The following SH2B2 variants were observed in gnomAD, a reference collection of about 807,000 sequenced individuals.
The protein encoded by SH2B2 is SH2B adaptor protein 2, also known as SH2B adapter protein 2.
SH2B2 carries 37 observed loss-of-function variants against 35.7 expected under a neutral mutation model. The observed-to-expected ratio is 1.04, with a 90% CI of 0.80 to 1.36. The LOEUF (loss-of-function observed/expected upper bound fraction) is 1.36. Ranked by LOEUF, SH2B2 falls within the 40% of genes most tolerant of loss-of-function variation. The pLI, the probability that SH2B2 is intolerant of heterozygous loss-of-function variation, is 0.00. For synonymous variants in SH2B2, 383 were observed against 376.4 expected (o/e 1.02, Z -0.20); for missense variants, 852 against 817.7 (o/e 1.04, Z -0.51).
chr7:102,285,824 A>C (rs1792422237), upstream of SH2B2, among the ~76,000 whole-genome samples: 1 of 152,118 alleles, frequency 6.6e-6, no homozygotes, highest in Admixed American at 6.5e-5. Context: ...GAAGACACCC[A>C]GGGGTCCCCC....
In SH2B2 at chr7:102,301,253, C is replaced by T. The variant is rs782068086; in HGVS notation, c.703C>T (p.Arg235Cys). 1.9e-5 allele frequency: 31 copies of T among 1,604,632 alleles called. No homozygotes were observed. The highest frequency in any genetic ancestry group is 2.3e-5 in the Non-Finnish European group (27 of 1,176,204). The change falls in exon 2 of 9, where the codon CGC (arginine) becomes TGC (cysteine). Residue 235 changes from arginine (R) to cysteine (C), a missense_variant. This residue lies in a region of SH2B2 where 556 missense variants were observed against 514.5 expected (regional missense o/e 1.08). Coordinates refer to ENST00000444095, the MANE Select transcript of SH2B2 (RefSeq NM_001359228.2). ...CAGGGCTGTGGCCGAGGAACGCTTCCGCCTGGAGTTCTTCGTGCCGCCCAA... is the reference window on the plus strand; with the variant it reads ...CAGGGCTGTGGCCGAGGAACGCTTCTGCCTGGAGTTCTTCGTGCCGCCCAA... ...LRRAVAEERF[R>C]LEFFVPPKAS... is the part of the protein sequence containing the mutation.
chr7:102,300,737 C>A lies in SH2B2; in HGVS notation c.187C>A (p.Arg63Ser). 6.5e-7 allele frequency: 1 copy of A among 1,540,006 alleles called. No homozygotes were observed. The highest frequency in any genetic ancestry group is 2.5e-5 in the East Asian group (1 of 40,508). ...DTPDAGASFS[R>S]HFAANFLDVF... The stretch of plus-strand genomic sequence containing the variant: ...GCCCGACGCCGGCGCCTCCTTCTCC[C>A]GCCACTTCGCCGCCAACTTCCTGGA... The change falls in exon 2 of 9, where the codon CGC (arginine) becomes AGC (serine). Residue 63 changes from arginine to serine, a missense_variant. Coordinates refer to ENST00000444095, the MANE Select transcript of SH2B2 (RefSeq NM_001359228.2).
intron 7 of SH2B2, among the ~76,000 whole-genome samples, chr7:102,318,539 G>A (rs549729463): frequency 5.3e-5 from 8 of 152,258 alleles, no homozygotes; most frequent in East Asian, 1.9e-4. Context: ...GCCCACCCCC[G>A]CATCCCAGGT....
chr7:102,292,243 AC>A (rs1792699698), intron 1 of SH2B2, among the ~76,000 whole-genome samples: 1 of 151,840 alleles, frequency 6.6e-6, no homozygotes, highest in South Asian at 2.1e-4. Context: ...TCAAAAAATT[AC>A]CTGGGACCGG....
In SH2B2 at chr7:102,320,470, G is replaced by C; in HGVS notation, c.1535G>C (p.Arg512Pro). 1 of 1,613,584 alleles carries C rather than the reference G, an allele frequency of 6.2e-7. No homozygotes were observed. The highest frequency in any genetic ancestry group is 8.5e-7 in the Non-Finnish European group (1 of 1,179,828). The change falls in exon 8 of 9, where the codon CGC becomes CCC. Residue 512 changes from arginine (R) to proline (P), a missense_variant. By Grantham distance (103) the Arg-to-Pro change is moderately radical. Coordinates refer to ENST00000444095, the MANE Select transcript of SH2B2 (RefSeq NM_001359228.2). ...GGGGGCTCGGCCGACATCACCCTTC[G>C]CAGCTATGTGCGGGCCCAGGACCCC... ...ESGGSADITL[R>P]SYVRAQDPPP...
At chr7:102,303,385 C>T (rs1793271127) in intron 2 of SH2B2, among the ~76,000 whole-genome samples, 6 of 152,156 alleles carry the variant, frequency 3.9e-5, no homozygotes, top group Admixed American at 3.9e-4. Context: ...ACCCCACACC[C>T]ACCTCCCGCA....
rs781917593 is a variant in SH2B2 at position 102,320,344 on chromosome 7, C to G, written c.1409C>G (p.Ser470Cys). 5.0e-6 allele frequency: 8 copies of G among 1,611,714 alleles called. No homozygotes were observed. The South Asian group carries it at 8.8e-5, about 18-fold the overall frequency. Residue 470 changes from serine to cysteine, a missense_variant, in exon 8 of 9, where the codon TCC (serine) becomes TGC (cysteine). Physicochemically the swap from Ser to Cys is moderately radical, Grantham distance 112. This residue lies in a region of SH2B2 where 556 missense variants were observed against 514.5 expected (regional missense o/e 1.08). Transcript: ENST00000444095. ...FQGKAKHLRLSLNGHGQCHVQ... is the reference protein window; with the variant it reads ...FQGKAKHLRLCLNGHGQCHVQ... The stretch of plus-strand genomic sequence containing the variant: ...CTGTACCCACAGCACCTGCGCCTGT[C>G]CCTGAACGGCCACGGCCAGTGTCAC...
At chr7:102,288,083 G>C (rs1378125448) in intron 1 of SH2B2, among the ~76,000 whole-genome samples, 1 of 152,130 alleles carries the variant, frequency 6.6e-6, no homozygotes, top group Non-Finnish European at 1.5e-5. Flanking sequence ...GGCAACTCCC[G>C]GCAGGAATTG....
chr7:102,314,129 C>T (rs1793727241), intron 4 of SH2B2, among the ~76,000 whole-genome samples: 1 of 152,070 alleles, frequency 6.6e-6, no homozygotes, highest in African/African-American at 2.4e-5. Context: ...TTTCTGAGCC[C>T]CAACAGTGGC....
At position 102,297,890 on chromosome 7, in the gene SH2B2, C is replaced by T. The variant is rs532023214; in HGVS notation, c.-29-2632C>T. Among the ~76,000 whole-genome samples the T allele has an allele frequency of 4.6e-5, 7 of 152,204 alleles. No individual in the cohort carries two copies. The highest frequency in any genetic ancestry group is 2.1e-4 in the South Asian group (1 of 4,812). ...GGTGAAAATAGGCAGAGTGCATGAACGCATCAGAGGGAGTATTGTCATCAG... is the reference window on the plus strand; with the variant it reads ...GGTGAAAATAGGCAGAGTGCATGAATGCATCAGAGGGAGTATTGTCATCAG... On this transcript the variant is annotated intron_variant, in intron 1 of 8. Transcript: ENST00000444095. The surrounding 1 kb of genome is among the most constrained non-coding windows in gnomAD (Gnocchi z 4.3).
chr7:102,313,333 A>G (rs1013249212), intron 4 of SH2B2, among the ~76,000 whole-genome samples: 4 of 151,748 alleles, frequency 2.6e-5, no homozygotes, highest in Non-Finnish European at 4.4e-5. Flanking sequence ...TTGTGATCCC[A>G]GCTACTCAGG....
chr7:102,312,482 A>G (rs1410032459), intron 4 of SH2B2, among the ~76,000 whole-genome samples: 1 of 152,204 alleles, frequency 6.6e-6, no homozygotes, highest in Non-Finnish European at 1.5e-5. Context: ...TAAAGGGAAT[A>G]GACTGAGCAG....
intron 1 of SH2B2, among the ~76,000 whole-genome samples, chr7:102,287,788 G>A (rs1361880552): frequency 6.6e-6 from 1 of 152,232 alleles, no homozygotes; most frequent in Non-Finnish European, 1.5e-5. Context: ...AAGCCGGGCA[G>A]AGGCAGGGAC....
intron 7 of SH2B2, among the ~76,000 whole-genome samples, chr7:102,319,515 C>T (rs554151214): frequency 1.3e-3 from 200 of 152,278 alleles, no homozygotes; most frequent in African/African-American, 4.7e-3. Flanking sequence ...GCTGGGATTA[C>T]AGGCGTGAGC....
In SH2B2 at chr7:102,308,859, G is replaced by C; in HGVS notation, c.876G>C (p.Leu292=). The change falls in exon 4 of 9, where the codon CTG becomes CTC. Residue 292 remains leucine (L), a synonymous_variant. Transcript: ENST00000444095. ...AEYILETIDS[L]QKHSWVADIQ... is the part of the protein sequence containing the mutation. ...ACATCTTGGAGACCATCGACTCTCT[G>C]CAGAAGCACTCGTGGGTAGCTGACA... 6.2e-7 allele frequency: 1 copy of C among 1,613,700 alleles called. No individual in the cohort carries two copies. Among genetic ancestry groups the C allele is most frequent in the Non-Finnish European group, 8.5e-7 (1 of 1,179,874 alleles).
rs550166791 is a variant in SH2B2, at chr7:102,320,337, C to A, written c.1402C>A (p.Arg468Ser). The change falls in exon 8 of 9, where the codon CGC becomes AGC. Residue 468 changes from arginine to serine, a missense_variant. This residue lies in a region of SH2B2 where 556 missense variants were observed against 514.5 expected (regional missense o/e 1.08). Transcript: ENST00000444095. ...FNFQGKAKHLRLSLNGHGQCH... is the reference protein window; with the variant it reads ...FNFQGKAKHLSLSLNGHGQCH... ...CACCCACCTGTACCCACAGCACCTG[C>A]GCCTGTCCCTGAACGGCCACGGCCA... The A allele has an allele frequency of 6.2e-7, 1 of 1,610,702 alleles. No homozygotes were observed. Among genetic ancestry groups the A allele is most frequent in the African/African-American group, 1.3e-5 (1 of 75,048 alleles).
In SH2B2 at chr7:102,314,423, T is replaced by G; in HGVS notation, c.1011T>G (p.Thr337=). 2.5e-6 allele frequency: 1 copy of G among 398,698 alleles called. No homozygotes were observed. Among genetic ancestry groups the G allele is most frequent in the Non-Finnish European group, 4.4e-6 (1 of 226,208 alleles). 24.7% of individuals were successfully genotyped at this position (398,698 alleles called of 1,614,324 possible). Residue 337 remains threonine, a synonymous_variant, in exon 5 of 9, where the codon ACT becomes ACG. Transcript: ENST00000444095. ...RVASCSCELL[T]DAVDLPRPPE... is the part of the protein sequence containing the mutation. Reference sequence around the variant, plus strand: ...CCTCCTGCAGCTGTGAGCTCCTGACTGATGGTAGGTAGGGGGACAGGGTTG... The same window carrying G: ...CCTCCTGCAGCTGTGAGCTCCTGACGGATGGTAGGTAGGGGGACAGGGTTG...
At chr7:102,287,931 A>G (rs1554551134) in intron 1 of SH2B2, among the ~76,000 whole-genome samples, 1 of 152,170 alleles carries the variant, frequency 6.6e-6, no homozygotes, top group African/African-American at 2.4e-5. Flanking sequence ...ATAAGCCAGG[A>G]TCTACGTGCA....
At chr7:102,312,158 G>C (rs1401616996) in intron 4 of SH2B2, among the ~76,000 whole-genome samples, 1 of 151,908 alleles carries the variant, frequency 6.6e-6, no homozygotes, top group African/African-American at 2.4e-5. Context: ...CGGATCACGA[G>C]GTCAGGAGTT....
Sources: allele counts gnomAD v4.1 joint callset (sites outside exome capture counted in the v4.1 genomes callset), GRCh38; gene constraint gnomAD v4.1.1; regional missense constraint gnomAD v4.1.1; non-coding constraint Gnocchi (gnomAD v3.1); transcripts MANE v1.5; gene names NCBI Gene and HGNC (gene_info 2026-07-23, HGNC 2026-07-21).